Variants in PLPP7 observed in about 807,000 individuals in gnomAD.
The protein encoded by PLPP7 is phospholipid phosphatase 7 (inactive), also known as inactive phospholipid phosphatase 7.
PLPP7 carries 11 observed loss-of-function variants against 16.9 expected under a neutral mutation model. The observed-to-expected ratio is 0.65, with a 90% CI of 0.41 to 1.08. The LOEUF is 1.08. Ranked by LOEUF, PLPP7 falls within the 50% of genes least tolerant of loss-of-function variation. The pLI is 0.00. For synonymous variants in PLPP7, 174 were observed against 175.1 expected (o/e 0.99, Z 0.05); for missense variants, 358 against 397.1 (o/e 0.90, Z 0.84).
intron 1 of PLPP7, chr9:131,291,260 G>A (rs79095292): frequency 0.016 from 21,479 of 1,316,914 alleles, 205 homozygotes; most frequent in Non-Finnish European, 0.02. Flanking sequence ...CACCCTCCAC[G>A]CCAGGCCCGC....
At position 131,308,411 on chromosome 9, in the gene PLPP7, T is replaced by A; in HGVS notation, c.*124T>A. On this transcript the variant is annotated 3_prime_UTR_variant, in exon 2 of 2. Transcript: ENST00000372264. ...AGGAGTCAGAGCGGCCACCCCCACC[T>A]CATCTTCCCCTCCTGGCTGGAGGCT... 1.4e-6 allele frequency: 2 copies of A among 1,400,632 alleles called. No homozygotes were observed. The highest frequency in any genetic ancestry group is 1.9e-6 in the Non-Finnish European group (2 of 1,067,210). 86.8% of individuals were successfully genotyped at this position (1,400,632 alleles called of 1,614,324 possible). A position where few individuals can be genotyped will look rare whatever the true frequency, so the allele number is the denominator to read the frequency against.
chr9:131,300,926 AG>A (rs1359459909), intron 1 of PLPP7, among the ~76,000 whole-genome samples: 3 of 151,944 alleles, frequency 2.0e-5, no homozygotes, highest in Admixed American at 2.0e-4. Flanking sequence ...GCTGTCCATT[AG>A]GGCCCTGTGC....
At chr9:131,294,015 A>G (rs1318810595) in intron 1 of PLPP7, among the ~76,000 whole-genome samples, 1 of 152,042 alleles carries the variant, frequency 6.6e-6, no homozygotes, top group Non-Finnish European at 1.5e-5. Context: ...GGGAAATGGG[A>G]GCTGCAGCTA....
intron 1 of PLPP7, among the ~76,000 whole-genome samples, chr9:131,301,362 T>G (rs752328486): frequency 6.6e-6 from 1 of 152,190 alleles, no homozygotes; most frequent in African/African-American, 2.4e-5. Flanking sequence ...TGCCTTCCAG[T>G]GGCTGGTGTC....
At position 131,308,515 on chromosome 9, in the gene PLPP7, G is replaced by A; in HGVS notation, c.*228G>A. ...TCTTGCCCCTTTGCTTGGACTCCAA[G>A]TCTCCTCTCTAGGCAGCCAGGACCC... On this transcript the variant is annotated 3_prime_UTR_variant, in exon 2 of 2. Coordinates refer to ENST00000372264, the MANE Select transcript of PLPP7 (RefSeq NM_032728.4). 1 of 722,614 alleles carries A rather than the reference G, an allele frequency of 1.4e-6. No individual in the cohort carries two copies. Among genetic ancestry groups the A allele is most frequent in the Non-Finnish European group, 2.2e-6 (1 of 454,918 alleles). The allele number at this position is 722,614 out of a possible 1,614,324, so 44.8% of individuals were successfully genotyped here.
intron 1 of PLPP7, chr9:131,292,965 G>A (rs1282351084): frequency 6.0e-5 from 59 of 985,182 alleles, no homozygotes; most frequent in Non-Finnish European, 6.9e-5. Flanking sequence ...AGAAGTGATA[G>A]ACATTTTTAA....
At chr9:131,294,086 A>G (rs1835710206) in intron 1 of PLPP7, among the ~76,000 whole-genome samples, 1 of 152,168 alleles carries the variant, frequency 6.6e-6, no homozygotes, top group South Asian at 2.1e-4. Flanking sequence ...CCTGCTTGGC[A>G]AGCAGTCCCA....
intron 1 of PLPP7, among the ~76,000 whole-genome samples, chr9:131,307,551 CAAAAAAAAAAAAAA>C (rs57469502): frequency 1.7e-4 from 10 of 60,584 alleles, no homozygotes; most frequent in Admixed American, 4.9e-4. Context: ...AACTCTGTCT[CAAAAAAAAAAAAAA>C]AAAAAAAAAA....
At chr9:131,302,703 T>C (rs1343965886) in intron 1 of PLPP7, among the ~76,000 whole-genome samples, 1 of 152,216 alleles carries the variant, frequency 6.6e-6, no homozygotes, top group Admixed American at 6.5e-5. Flanking sequence ...AGCCCCCTCC[T>C]GTGCTGGCCA....
At chr9:131,296,273 T>C (rs1436304242) in intron 1 of PLPP7, among the ~76,000 whole-genome samples, 6 of 152,196 alleles carry the variant, frequency 3.9e-5, no homozygotes, top group African/African-American at 1.4e-4. Context: ...TTTTAGTTTG[T>C]TTGTTTTCTG....
chr9:131,304,453 G>A (rs1051098510), intron 1 of PLPP7, among the ~76,000 whole-genome samples: 2 of 152,150 alleles, frequency 1.3e-5, no homozygotes, highest in African/African-American at 4.8e-5. Flanking sequence ...TGGCCAACAT[G>A]GCGAAACCCC....
At chr9:131,304,818 AC>A (rs1835836803) in intron 1 of PLPP7, among the ~76,000 whole-genome samples, 1 of 152,176 alleles carries the variant, frequency 6.6e-6, no homozygotes, top group African/African-American at 2.4e-5. Context: ...CAGACAGCGA[AC>A]CCTCACCTCC....
intron 1 of PLPP7, among the ~76,000 whole-genome samples, chr9:131,294,891 C>T (rs1413047541): frequency 3.9e-5 from 6 of 151,984 alleles, no homozygotes; most frequent in Non-Finnish European, 8.8e-5. Flanking sequence ...GTGATCCACC[C>T]ACCTTGGCCT....
At chr9:131,298,061 T>G (rs1224225445) in intron 1 of PLPP7, among the ~76,000 whole-genome samples, 1 of 152,166 alleles carries the variant, frequency 6.6e-6, no homozygotes, top group Non-Finnish European at 1.5e-5. Flanking sequence ...TGTCTGTCTC[T>G]TGAAGGGCGC....
intron 1 of PLPP7, among the ~76,000 whole-genome samples, chr9:131,301,549 G>A (rs1398657812): frequency 6.6e-6 from 1 of 152,198 alleles, no homozygotes. Context: ...GGAGGTCTTG[G>A]AACCTGGGCC....
At chr9:131,291,192 C>T in intron 1 of PLPP7, 1 of 1,363,156 alleles carries the variant, frequency 7.3e-7, no homozygotes, top group South Asian at 1.1e-5. Context: ...GATGCCCAGC[C>T]CCCGTCCGGC....
Position 131,290,003 on chromosome 9 carries a change from A to G in PLPP7, c.6A>G (p.Pro2=). M[P]ASQSRARARD... ...TCGGGGTGAGCGAGGTCACCATGCC[A>G]GCTTCCCAGAGCCGGGCCCGTGCCC... Residue 2 remains proline (P), a synonymous_variant, in exon 1 of 2, where the codon CCA becomes CCG. Transcript: ENST00000372264. The surrounding 1 kb of genome is among the most constrained non-coding windows in gnomAD (Gnocchi z 4.2). 2 of 1,432,794 alleles carry G rather than the reference A, an allele frequency of 1.4e-6. No homozygotes were observed. The highest frequency in any genetic ancestry group is 1.8e-6 in the Non-Finnish European group (2 of 1,097,594). 88.8% of individuals were successfully genotyped at this position (1,432,794 alleles called of 1,614,324 possible). A position where few individuals can be genotyped will look rare whatever the true frequency, so the allele number is the denominator to read the frequency against.
chr9:131,293,322 G>A (rs529344542), intron 1 of PLPP7, among the ~76,000 whole-genome samples: 1 of 152,310 alleles, frequency 6.6e-6, no homozygotes, highest in Admixed American at 6.5e-5. Context: ...GAGGTTGACT[G>A]TCTTCATATC....
At chr9:131,307,245 C>CAAA (rs1205183897) in intron 1 of PLPP7, among the ~76,000 whole-genome samples, 115 of 97,916 alleles carry the variant, frequency 1.2e-3, no homozygotes, top group African/African-American at 4.2e-3. Flanking sequence ...GACCCTGTAT[C>CAAA]AAAAAAAAAA....
Sources: gnomAD v4.1 joint callset for allele counts (sites outside exome capture counted in the v4.1 genomes callset) on GRCh38, gnomAD v4.1.1 for gene constraint, Gnocchi (gnomAD v3.1) non-coding constraint, MANE v1.5 for transcripts, NCBI Gene and HGNC (gene_info 2026-07-23, HGNC 2026-07-21) for gene names.